The following HECW2 variants were observed in gnomAD, a reference collection of about 807,000 sequenced individuals.
The protein encoded by HECW2 is E3 ubiquitin-protein ligase HECW2.
A neutral mutation model predicts 175.2 loss-of-function variants in HECW2; 61 were observed. The observed-to-expected ratio is 0.35, with a 90% CI of 0.28 to 0.43. HECW2 has a LOEUF of 0.43. Ranked by LOEUF, HECW2 falls within the 20% of genes least tolerant of loss-of-function variation. HECW2 has a pLI of 1.00. For missense variants in HECW2, 1,524 were observed against 2,000.5 expected (o/e 0.76, Z 4.54); for synonymous variants, 671 against 731.0 (o/e 0.92, Z 1.32).
intron 2 of HECW2, among the ~76,000 whole-genome samples, chr2:196,398,531 T>C (rs954964114): frequency 6.6e-6 from 1 of 152,178 alleles, no homozygotes; most frequent in African/African-American, 2.4e-5. Context: ...CAAGATGCCT[T>C]GTTTTCCAAC....
intron 19 of HECW2, among the ~76,000 whole-genome samples, chr2:196,243,574 C>T (rs1179705431): frequency 6.6e-6 from 1 of 151,158 alleles, no homozygotes; most frequent in Admixed American, 6.6e-5. Context: ...GTAAAAGTAA[C>T]ATTGTTTCTC....
At chr2:196,587,174 A>T (rs1691013272) in intron 1 of HECW2, among the ~76,000 whole-genome samples, 1 of 152,246 alleles carries the variant, frequency 6.6e-6, no homozygotes, top group East Asian at 1.9e-4. Flanking sequence ...TTATAAAGGA[A>T]AGCATTATTG....
intron 1 of HECW2, among the ~76,000 whole-genome samples, chr2:196,587,233 C>T (rs1414323812): frequency 1.3e-5 from 2 of 152,206 alleles, no homozygotes; most frequent in East Asian, 3.8e-4. Context: ...AGCCACTGTG[C>T]TTTGTTCGAA....
At chr2:196,231,440 A>T (rs1052231941) in intron 21 of HECW2, among the ~76,000 whole-genome samples, 1 of 152,200 alleles carries the variant, frequency 6.6e-6, no homozygotes, top group African/African-American at 2.4e-5. Flanking sequence ...CTGCTAATAG[A>T]GTAGCGGTTG....
At chr2:196,340,939 A>G (rs929469767) in intron 3 of HECW2, among the ~76,000 whole-genome samples, 5 of 152,158 alleles carry the variant, frequency 3.3e-5, no homozygotes, top group African/African-American at 4.8e-5. Context: ...AAGAAAAAAA[A>G]AAAACCCTTC....
chr2:196,469,126 T>TGTGCGTGC (rs1411350068), intron 1 of HECW2, among the ~76,000 whole-genome samples: 5 of 100,742 alleles, frequency 5.0e-5, no homozygotes, highest in African/African-American at 2.0e-4. Context: ...TGTGCGTGTG[T>TGTGCGTGC]GTGTGTGTGT....
intron 1 of HECW2, among the ~76,000 whole-genome samples, chr2:196,482,141 A>C (rs924587875): frequency 6.6e-6 from 1 of 152,204 alleles, no homozygotes; most frequent in African/African-American, 2.4e-5. Context: ...GGTGCTTTTA[A>C]ATTGCTATTA....
At chr2:196,218,806 G>C (rs1687567164) in intron 26 of HECW2, among the ~76,000 whole-genome samples, 1 of 152,070 alleles carries the variant, frequency 6.6e-6, no homozygotes, top group Admixed American at 6.6e-5. Flanking sequence ...AAAATCGATG[G>C]GTTAACAACA....
chr2:196,266,664 T>G (rs1050508096), intron 17 of HECW2, among the ~76,000 whole-genome samples: 1 of 152,202 alleles, frequency 6.6e-6, no homozygotes, highest in East Asian at 1.9e-4. Context: ...GCAGAAAAAT[T>G]CATTTGCCAC....
chr2:196,319,532 G>T lies in HECW2; in HGVS notation c.1358C>A (p.Thr453Asn). ...AAGCATGGCATTGAGTCTTGTGTCA[G>T]TGGGAAAACTACTCCTCAGTTTCGG... ...ASPKLRSSFP[T>N]DTRLNAMLHI... Residue 453 changes from threonine (T) to asparagine (N), a missense_variant, in exon 9 of 29, where the codon ACT (threonine) becomes AAT (asparagine). Thr to Asn is a moderately conservative substitution (Grantham distance 65). Around this residue, in one of 11 missense-constraint regions of HECW2, gnomAD observed 604 missense variants for 588.3 expected, o/e 1.03. Transcript: ENST00000644978. 6.2e-7 allele frequency: 1 copy of T among 1,614,190 alleles called. No individual in the cohort carries two copies. Among genetic ancestry groups the T allele is most frequent in the Non-Finnish European group, 8.5e-7 (1 of 1,180,032 alleles).
At chr2:196,202,365 A>G (rs1196304406) in intron 28 of HECW2, among the ~76,000 whole-genome samples, 1 of 152,178 alleles carries the variant, frequency 6.6e-6, no homozygotes, top group Non-Finnish European at 1.5e-5. Context: ...GATGCAGTGT[A>G]ATGTAGTGGG....
chr2:196,477,147 C>CG (rs1686662957), intron 1 of HECW2, among the ~76,000 whole-genome samples: 1 of 92,528 alleles, frequency 1.1e-5, no homozygotes, highest in Non-Finnish European at 2.2e-5. Flanking sequence ...GAGGGAAAAG[C>CG]GAAAAAAAAA....
intron 2 of HECW2, among the ~76,000 whole-genome samples, chr2:196,387,528 A>G (rs1694384699): frequency 6.6e-6 from 1 of 152,174 alleles, no homozygotes; most frequent in African/African-American, 2.4e-5. Context: ...CAGAACGGAG[A>G]AAGAAATTTC....
At chr2:196,397,224 A>T (rs1694697285) in intron 2 of HECW2, among the ~76,000 whole-genome samples, 1 of 152,258 alleles carries the variant, frequency 6.6e-6, no homozygotes, top group African/African-American at 2.4e-5. Flanking sequence ...TTGGTGTGAC[A>T]GAGGAAAGAC....
intron 5 of HECW2, among the ~76,000 whole-genome samples, chr2:196,325,781 G>A (rs1041411516): frequency 3.0e-4 from 46 of 152,190 alleles, no homozygotes; most frequent in African/African-American, 1.1e-3. Flanking sequence ...AGTGCTACCT[G>A]CTATTTTAAA....
intron 17 of HECW2, among the ~76,000 whole-genome samples, chr2:196,269,944 G>T (rs1177272884): frequency 6.6e-6 from 1 of 152,198 alleles, no homozygotes; most frequent in Non-Finnish European, 1.5e-5. Flanking sequence ...GAGAACAGGG[G>T]TATAAATTCT....
At chr2:196,463,565 T>C (rs1333002661) in intron 1 of HECW2, among the ~76,000 whole-genome samples, 2 of 152,226 alleles carry the variant, frequency 1.3e-5, no homozygotes, top group South Asian at 2.1e-4. Context: ...ATTATGACTA[T>C]AACAGTAGTA....
At chr2:196,314,511 T>C (rs1691618039) in intron 10 of HECW2, among the ~76,000 whole-genome samples, 1 of 152,234 alleles carries the variant, frequency 6.6e-6, no homozygotes, top group Non-Finnish European at 1.5e-5. Flanking sequence ...TGAGACTCTG[T>C]GTCAACTTTT....
Position 196,542,035 on chromosome 2 carries a change from G to A in HECW2, c.-36+51473C>T, listed in dbSNP as rs923569924. ...TCCCAGCACTTTGGGAGGCTGAGGT[G>A]GGCGGATCACGAGGTCAGGAGTTCG... On this transcript the variant is annotated intron_variant, in intron 1 of 28. Transcript: ENST00000644978. 3.9e-5 allele frequency among the ~76,000 whole-genome samples: 6 copies of A among 152,138 alleles called. No individual in the cohort carries two copies. The South Asian group carries it at 1.0e-3, about 26-fold the overall frequency.
Sources: allele counts gnomAD v4.1 joint callset (sites outside exome capture counted in the v4.1 genomes callset), GRCh38; gene constraint gnomAD v4.1.1; regional missense constraint gnomAD v4.1.1; transcripts MANE v1.5; gene names NCBI Gene and HGNC (gene_info 2026-07-23, HGNC 2026-07-21).